The following RPRD1B variants were observed in gnomAD, a reference collection of about 807,000 sequenced individuals.
RPRD1B encodes the protein regulation of nuclear pre-mRNA domain-containing protein 1B.
A neutral mutation model predicts 41.5 loss-of-function variants in RPRD1B; 11 were observed. The observed-to-expected ratio is 0.27, with a 90% CI of 0.17 to 0.44. The LOEUF (loss-of-function observed/expected upper bound fraction) is 0.44. Among genes scored for constraint, RPRD1B ranks in the 20% least tolerant of loss-of-function variants. RPRD1B has a pLI of 1.00. For synonymous variants in RPRD1B, 158 were observed against 155.6 expected (o/e 1.02, Z -0.12); for missense variants, 248 against 389.9 (o/e 0.64, Z 3.06).
intron 1 of RPRD1B, 43 bp from the exon 2 acceptor site, chr20:38,040,392 T>A (rs1459281579): frequency 6.6e-7 from 1 of 1,517,588 alleles, no homozygotes; most frequent in East Asian, 2.3e-5. Context: ...GAATTGAGAA[T>A]TTCTTTGGTG....
At chr20:38,079,469 T>G (rs537575793) in intron 6 of RPRD1B, among the ~76,000 whole-genome samples, 7 of 152,320 alleles carry the variant, frequency 4.6e-5, no homozygotes, top group Non-Finnish European at 8.8e-5. Context: ...TGAGTTCATG[T>G]GTTCTCAATG....
intron 3 of RPRD1B, among the ~76,000 whole-genome samples, chr20:38,057,018 G>A (rs1446988350): frequency 6.6e-6 from 1 of 152,112 alleles, no homozygotes; most frequent in African/African-American, 2.4e-5. Context: ...TCAATCACAT[G>A]TCTCAGTAAT....
chr20:38,073,019 C>T (rs1000658004), intron 6 of RPRD1B, among the ~76,000 whole-genome samples: 5 of 152,218 alleles, frequency 3.3e-5, no homozygotes, highest in African/African-American at 4.8e-5. Context: ...AGAGAGGTAG[C>T]TGCAGACCAG....
At chr20:38,039,634 C>T (rs956895307) in intron 1 of RPRD1B, among the ~76,000 whole-genome samples, 6 of 151,808 alleles carry the variant, frequency 4.0e-5, no homozygotes, top group Non-Finnish European at 8.8e-5. Flanking sequence ...AAACTCCCGA[C>T]CTCAGGTGAT....
chr20:38,040,337 T>A, intron 1 of RPRD1B, 98 bp from the exon 2 acceptor site: 1 of 972,300 alleles, frequency 1.0e-6, no homozygotes, highest in Non-Finnish European at 1.4e-6. Flanking sequence ...TAGATAATAC[T>A]TGTCTTAATG....
rs1294667933 is a variant in RPRD1B at position 38,052,764 on chromosome 20, T to G, written c.415+4283T>G. Among the ~76,000 whole-genome samples, 23 of 149,132 alleles carry G rather than the reference T, an allele frequency of 1.5e-4. No homozygotes were observed. The East Asian group carries it at 2.7e-3, about 18-fold the overall frequency. On this transcript the variant is annotated intron_variant, in intron 3 of 6. Transcript: ENST00000373433. Reference sequence around the variant, plus strand: ...GACCAAACGCGGTGTTTTTTTTTTTTTTTTTTTTTTTTTTTTAAATCACAG... The same window carrying G: ...GACCAAACGCGGTGTTTTTTTTTTTGTTTTTTTTTTTTTTTTAAATCACAG...
chr20:38,059,377 G>A lies in RPRD1B; in HGVS notation c.529-17G>A. 3 of 1,605,776 alleles carry A rather than the reference G, an allele frequency of 1.9e-6. No individual in the cohort carries two copies. The highest frequency in any genetic ancestry group is 2.6e-6 in the Non-Finnish European group (3 of 1,175,354). Reference sequence around the variant, plus strand: ...CATGTCTTAATGGGTAGTGTTGTTTGTGTTTTCATCTTACAGACTGAGGAA... The same window carrying A: ...CATGTCTTAATGGGTAGTGTTGTTTATGTTTTCATCTTACAGACTGAGGAA... On this transcript the variant is annotated splice_polypyrimidine_tract_variant and intron_variant, in intron 4 of 6. Transcript: ENST00000373433.
intron 6 of RPRD1B, among the ~76,000 whole-genome samples, chr20:38,086,310 G>A (rs970506857): frequency 6.6e-6 from 1 of 152,186 alleles, no homozygotes; most frequent in Non-Finnish European, 1.5e-5. Context: ...ATGAATTCGA[G>A]CCTGCTTGCC....
intron 1 of RPRD1B, among the ~76,000 whole-genome samples, chr20:38,034,876 G>A (rs1049194815): frequency 6.6e-6 from 1 of 152,184 alleles, no homozygotes; most frequent in African/African-American, 2.4e-5. Flanking sequence ...TAGAATTTAA[G>A]CCTGACTTTG....
rs1182043522 is a variant in RPRD1B, at chr20:38,059,401, A to G, written c.536A>G (p.Glu179Gly). The change falls in exon 5 of 7, where the codon GAA becomes GGA. Residue 179 changes from glutamate to glycine, a missense_variant. Transcript: ENST00000373433. The stretch of plus-strand genomic sequence containing the variant: ...TGTGTTTTCATCTTACAGACTGAGG[A>G]ACTAATCAAAGCTTTGCAGGATCTG... ...DPSAGPLLTE[E>G]LIKALQDLEN... 1.2e-6 allele frequency: 2 copies of G among 1,612,602 alleles called. No individual in the cohort carries two copies. Among genetic ancestry groups the G allele is most frequent in the Non-Finnish European group, 1.7e-6 (2 of 1,179,302 alleles).
intron 6 of RPRD1B, among the ~76,000 whole-genome samples, chr20:38,084,695 C>T (rs575557083): frequency 6.6e-6 from 1 of 152,202 alleles, no homozygotes; most frequent in East Asian, 1.9e-4. Flanking sequence ...ACGGTGTCAG[C>T]TGGATCCACA....
chr20:38,067,733 A>C (rs1456102349), intron 6 of RPRD1B, among the ~76,000 whole-genome samples: 1 of 152,224 alleles, frequency 6.6e-6, no homozygotes, highest in Non-Finnish European at 1.5e-5. Flanking sequence ...AGAGATCCTA[A>C]AGGGAGTTTT....
At chr20:38,068,225 C>G (rs1250757008) in intron 6 of RPRD1B, among the ~76,000 whole-genome samples, 1 of 152,190 alleles carries the variant, frequency 6.6e-6, no homozygotes, top group East Asian at 1.9e-4. Flanking sequence ...GGCTGGCATT[C>G]CATTGCTGAA....
In RPRD1B at chr20:38,091,387, T is replaced by C. The variant is rs1025247363; in HGVS notation, c.*1512T>C. 2 of 985,420 alleles carry C rather than the reference T, an allele frequency of 2.0e-6. No homozygotes were observed. The highest frequency in any genetic ancestry group is 2.4e-6 in the Non-Finnish European group (2 of 829,898). 61.0% of individuals were successfully genotyped at this position (985,420 alleles called of 1,614,324 possible). A position where few individuals can be genotyped will look rare whatever the true frequency, so the allele number is the denominator to read the frequency against. On this transcript the variant is annotated 3_prime_UTR_variant, in exon 7 of 7. Coordinates refer to ENST00000373433, the MANE Select transcript of RPRD1B (RefSeq NM_021215.4). ...CTTCCAGAAGCTCTCCTGCTTGTCATGAAGTGAGAACAATGAAAAGTCATA... is the reference window on the plus strand; with the variant it reads ...CTTCCAGAAGCTCTCCTGCTTGTCACGAAGTGAGAACAATGAAAAGTCATA...
intron 2 of RPRD1B, among the ~76,000 whole-genome samples, chr20:38,045,751 CTCTT>C (rs752044626): frequency 2.2e-4 from 33 of 152,198 alleles, no homozygotes; most frequent in Non-Finnish European, 3.7e-4. Context: ...AGACTGGTTT[CTCTT>C]TCTTTTAAGC....
intron 6 of RPRD1B, among the ~76,000 whole-genome samples, chr20:38,068,731 A>T (rs2074383005): frequency 1.3e-5 from 2 of 152,118 alleles, no homozygotes; most frequent in Admixed American, 6.5e-5. Flanking sequence ...TGCTCTCCTG[A>T]ACCTAAGATT....
chr20:38,052,447 C>T (rs1279151167), intron 3 of RPRD1B, among the ~76,000 whole-genome samples: 1 of 152,162 alleles, frequency 6.6e-6, no homozygotes, highest in Non-Finnish European at 1.5e-5. Flanking sequence ...GCTTGTAGAA[C>T]TGTGCCTCAA....
intron 6 of RPRD1B, among the ~76,000 whole-genome samples, chr20:38,067,549 A>C (rs2074369886): frequency 6.6e-6 from 1 of 152,160 alleles, no homozygotes; most frequent in African/African-American, 2.4e-5. Flanking sequence ...TGGTCATCTG[A>C]CTTGAGGGGA....
At chr20:38,074,840 C>T (rs1034754276) in intron 6 of RPRD1B, among the ~76,000 whole-genome samples, 4 of 152,074 alleles carry the variant, frequency 2.6e-5, no homozygotes, top group Non-Finnish European at 5.9e-5. Context: ...AGTCTCATTA[C>T]CCAGAGATAA....
Sources: gnomAD v4.1 joint callset for allele counts (sites outside exome capture counted in the v4.1 genomes callset) on GRCh38, gnomAD v4.1.1 for gene constraint, MANE v1.5 for transcripts, NCBI Gene and HGNC (gene_info 2026-07-23, HGNC 2026-07-21) for gene names.